Variants in CYP39A1 observed in about 807,000 individuals in gnomAD.
CYP39A1 encodes 24-hydroxycholesterol 7-alpha-hydroxylase.
A neutral mutation model predicts 58.1 loss-of-function variants in CYP39A1; 49 were observed. The ratio of observed to expected loss-of-function variants is 0.84; its 90% CI spans 0.67 to 1.07. The LOEUF (loss-of-function observed/expected upper bound fraction) is 1.07, where lower values mean the gene tolerates loss of function less well. Ranked by LOEUF, CYP39A1 falls within the 50% of genes least tolerant of loss-of-function variation. The probability of loss-of-function intolerance (pLI) is 0.00; values close to 1 mark genes in which losing one functional copy is unlikely to be tolerated. For missense variants in CYP39A1, 531 were observed against 539.4 expected, an observed-to-expected ratio of 0.98 and a Z score of 0.16; for synonymous variants, 209 against 187.6, an observed-to-expected ratio of 1.11 and a Z score of -0.93.
At chr6:46,621,812 A>G (rs1413350951) in intron 7 of CYP39A1, among the ~76,000 whole-genome samples, 3 of 152,142 alleles carry the variant, frequency 2.0e-5, no homozygotes, top group Admixed American at 2.0e-4. Flanking sequence ...TAAAGCCAGA[A>G]TTATCTTGAT....
intron 7 of CYP39A1, among the ~76,000 whole-genome samples, chr6:46,603,320 G>A (rs1773630336): frequency 6.6e-6 from 1 of 152,146 alleles, no homozygotes; most frequent in African/African-American, 2.4e-5. Context: ...GAAGGCCAGA[G>A]GTCTCCACAG....
intron 11 of CYP39A1, among the ~76,000 whole-genome samples, chr6:46,553,211 C>T (rs1318859458): frequency 6.6e-6 from 1 of 152,076 alleles, no homozygotes; most frequent in African/African-American, 2.4e-5. Context: ...TGCTGATGCT[C>T]ACACCAATTC....
chr6:46,576,424 C>T (rs1010052917), intron 10 of CYP39A1, among the ~76,000 whole-genome samples: 2 of 152,192 alleles, frequency 1.3e-5, no homozygotes, highest in Non-Finnish European at 2.9e-5. Context: ...AGAATTCTGG[C>T]AACTCTGAAA....
chr6:46,575,180 A>G (rs1205309379), intron 10 of CYP39A1, among the ~76,000 whole-genome samples: 1 of 152,108 alleles, frequency 6.6e-6, no homozygotes, highest in African/African-American at 2.4e-5. Flanking sequence ...GCTGCTAGTG[A>G]TAATTGCCTG....
intron 1 of CYP39A1, among the ~76,000 whole-genome samples, chr6:46,647,062 T>C (rs907116520): frequency 2.0e-5 from 3 of 152,132 alleles, no homozygotes; most frequent in Admixed American, 6.5e-5. Context: ...TACTATTTCC[T>C]TCCTTCTGCT....
chr6:46,641,593 A>C (rs1343656509), intron 2 of CYP39A1, among the ~76,000 whole-genome samples: 1 of 152,168 alleles, frequency 6.6e-6, no homozygotes, highest in Non-Finnish European at 1.5e-5. Context: ...AGTACACACA[A>C]TTGCAGCCTA....
chr6:46,585,625 G>A (rs976411583), intron 10 of CYP39A1, among the ~76,000 whole-genome samples: 9 of 152,098 alleles, frequency 5.9e-5, no homozygotes, highest in Non-Finnish European at 8.8e-5. Flanking sequence ...CAGCTTTGGA[G>A]TTTTATGGTG....
chr6:46,612,831 T>G (rs1009307491), intron 7 of CYP39A1, among the ~76,000 whole-genome samples: 1 of 152,236 alleles, frequency 6.6e-6, no homozygotes, highest in African/African-American at 2.4e-5. Flanking sequence ...AGACACAACT[T>G]TGGCCATCAG....
At chr6:46,651,539 A>T (rs1242761598) in intron 1 of CYP39A1, among the ~76,000 whole-genome samples, 1 of 152,178 alleles carries the variant, frequency 6.6e-6, no homozygotes, top group Non-Finnish European at 1.5e-5. Flanking sequence ...AGCTGGTGTG[A>T]TATTCTGGGT....
chr6:46,556,656 G>A (rs1174120379), intron 10 of CYP39A1, among the ~76,000 whole-genome samples: 1 of 152,176 alleles, frequency 6.6e-6, no homozygotes, highest in African/African-American at 2.4e-5. Context: ...TGCCTTAGTA[G>A]TGGGATTAGA....
At chr6:46,613,618 A>C (rs1026534691) in intron 7 of CYP39A1, among the ~76,000 whole-genome samples, 4 of 152,120 alleles carry the variant, frequency 2.6e-5, no homozygotes, top group African/African-American at 9.7e-5. Flanking sequence ...AAATGGGTGC[A>C]TGTGTATGCT....
chr6:46,652,034 A>G (rs1034299602), intron 1 of CYP39A1, among the ~76,000 whole-genome samples: 4 of 152,346 alleles, frequency 2.6e-5, no homozygotes, highest in Non-Finnish European at 5.9e-5. Flanking sequence ...GTTAACTCCA[A>G]TTTGGATACG....
intron 7 of CYP39A1, among the ~76,000 whole-genome samples, chr6:46,613,103 G>A (rs1216813677): frequency 6.6e-6 from 1 of 152,168 alleles, no homozygotes; most frequent in Admixed American, 6.5e-5. Context: ...TTAAAATAAA[G>A]CAGACAATAT....
chr6:46,550,360 C>G lies in CYP39A1; in HGVS notation c.*6G>C. 1.9e-6 allele frequency: 3 copies of G among 1,612,300 alleles called. No individual in the cohort carries two copies. The highest frequency in any genetic ancestry group is 2.5e-6 in the Non-Finnish European group (3 of 1,179,164). ...AGGCCCTGGTCCTTGTGAGGCCCAA[C>G]AGATGTCATATTCTTTGTTTATATT... On this transcript the variant is annotated 3_prime_UTR_variant, in exon 12 of 12. Transcript: ENST00000275016.
intron 8 of CYP39A1, among the ~76,000 whole-genome samples, chr6:46,592,578 A>C (rs1772904353): frequency 6.6e-6 from 1 of 152,200 alleles, no homozygotes; most frequent in Non-Finnish European, 1.5e-5. Flanking sequence ...AAGAACAGGG[A>C]CTAGTTTAAA....
intron 7 of CYP39A1, among the ~76,000 whole-genome samples, chr6:46,604,470 G>C (rs1471600867): frequency 1.3e-5 from 2 of 152,186 alleles, no homozygotes; most frequent in African/African-American, 2.4e-5. Flanking sequence ...ACAGGCACAG[G>C]AAAGAAATAC....
intron 8 of CYP39A1, among the ~76,000 whole-genome samples, chr6:46,591,410 C>T (rs1270604103): frequency 6.6e-6 from 1 of 151,952 alleles, no homozygotes; most frequent in Admixed American, 6.6e-5. Flanking sequence ...TTAAATTTTG[C>T]TATGGTACAT....
intron 7 of CYP39A1, among the ~76,000 whole-genome samples, chr6:46,603,212 G>T (rs1773625429): frequency 6.6e-6 from 1 of 152,116 alleles, no homozygotes; most frequent in African/African-American, 2.4e-5. Flanking sequence ...AAATGTGAAA[G>T]AAAAATAAAA....
At chr6:46,626,852 A>T (rs896557953) in intron 6 of CYP39A1, among the ~76,000 whole-genome samples, 1 of 152,190 alleles carries the variant, frequency 6.6e-6, no homozygotes, top group Non-Finnish European at 1.5e-5. Context: ...TACTCACTTC[A>T]TCTTACTTGA....
Sources: allele counts gnomAD v4.1 joint callset (sites outside exome capture counted in the v4.1 genomes callset), GRCh38; gene constraint gnomAD v4.1.1; transcripts MANE v1.5; gene names NCBI Gene and HGNC (gene_info 2026-07-23, HGNC 2026-07-21).